The following COL22A1 variants were observed in gnomAD, a reference collection of about 807,000 sequenced individuals.
The protein encoded by COL22A1 is collagen alpha-1(XXII) chain.
In COL22A1, 221 loss-of-function variants were observed where a neutral mutation model predicts 248.9. That is an observed-to-expected ratio of 0.89 (90% confidence interval 0.80 to 0.99). The LOEUF is 0.99. Among genes scored for constraint, COL22A1 ranks in the 50% least tolerant of loss-of-function variants. The probability of loss-of-function intolerance (pLI) is 0.00; values close to 1 mark genes in which losing one functional copy is unlikely to be tolerated. For synonymous variants in COL22A1, 891 were observed against 793.4 expected (o/e 1.12, Z -2.07); for missense variants, 2,240 against 2,179.0 (o/e 1.03, Z -0.56).
At chr8:138,879,706 A>G (rs895028945) in intron 2 of COL22A1, among the ~76,000 whole-genome samples, 7 of 147,658 alleles carry the variant, frequency 4.7e-5, no homozygotes, top group African/African-American at 1.7e-4. Flanking sequence ...AAAAAAAAAA[A>G]AAAAAAAAGA....
rs772414298 is a variant in COL22A1, at chr8:138,722,069, C to T, written c.2268G>A (p.Gly756=). Residue 756 remains glycine, a synonymous_variant, in exon 26 of 65, where the codon GGG becomes GGA. Transcript: ENST00000303045. ...PGPTGPPGKD[G]PNGPPGPPGT... is the part of the protein sequence containing the mutation. The stretch of plus-strand genomic sequence containing the variant: ...CTGGCGGACCTGGTGGTCCATTTGG[C>T]CCGTCCTTTCCAGGGGGTCCCTGGG... The T allele has an allele frequency of 6.3e-7, 1 of 1,583,042 alleles. No homozygotes were observed. The highest frequency in any genetic ancestry group is 1.2e-5 in the South Asian group (1 of 86,446).
intron 45 of COL22A1, among the ~76,000 whole-genome samples, chr8:138,652,823 T>C (rs945567966): frequency 1.5e-5 from 2 of 137,018 alleles, no homozygotes; most frequent in Non-Finnish European, 3.1e-5. Context: ...CTAGGCTCAC[T>C]GCAGCCTCCG....
At chr8:138,709,538 C>T (rs1828770853) in intron 30 of COL22A1, among the ~76,000 whole-genome samples, 2 of 149,926 alleles carry the variant, frequency 1.3e-5, no homozygotes, top group South Asian at 4.2e-4. Flanking sequence ...ATCGCAAGGA[C>T]AGAAAACCAA....
intron 5 of COL22A1, among the ~76,000 whole-genome samples, chr8:138,830,255 A>T (rs1039897849): frequency 4.6e-5 from 7 of 152,228 alleles, no homozygotes; most frequent in African/African-American, 1.7e-4. Flanking sequence ...TGTACCAGCT[A>T]AGTGAAAAGT....
intron 1 of COL22A1, among the ~76,000 whole-genome samples, chr8:138,889,283 A>T (rs1824881667): frequency 6.6e-6 from 1 of 152,200 alleles, no homozygotes; most frequent in Admixed American, 6.5e-5. Flanking sequence ...AACTGGCACT[A>T]TTCACAATAC....
chr8:138,650,284 G>A (rs1822586444), intron 45 of COL22A1, among the ~76,000 whole-genome samples: 1 of 152,104 alleles, frequency 6.6e-6, no homozygotes, highest in Non-Finnish European at 1.5e-5. Flanking sequence ...CACACCCTTG[G>A]GACTTTGTTT....
chr8:138,753,711 G>T (rs1832781610), intron 21 of COL22A1, among the ~76,000 whole-genome samples: 1 of 152,112 alleles, frequency 6.6e-6, no homozygotes, highest in South Asian at 2.1e-4. Flanking sequence ...TTAGTATTTT[G>T]CTTGATATAA....
intron 3 of COL22A1, among the ~76,000 whole-genome samples, chr8:138,860,924 C>G (rs777421789): frequency 1.3e-5 from 2 of 152,172 alleles, no homozygotes; most frequent in Non-Finnish European, 2.9e-5. Context: ...GTTTTCCATC[C>G]GTATGTTCTT....
At chr8:138,865,719 A>G (rs111206277) in intron 3 of COL22A1, among the ~76,000 whole-genome samples, 19,471 of 121,464 alleles carry the variant, frequency 0.16, 1,642 homozygotes, top group African/African-American at 0.33. Context: ...GTATGAGTGT[A>G]TGTGTGTGTG....
At chr8:138,611,672 C>T (rs914629984) in intron 56 of COL22A1, among the ~76,000 whole-genome samples, 2 of 152,218 alleles carry the variant, frequency 1.3e-5, no homozygotes, top group African/African-American at 4.8e-5. Flanking sequence ...AGTGTTTTCC[C>T]CGTGGGGTTG....
At chr8:138,888,907 A>AAAG (rs1204484013) in intron 1 of COL22A1, among the ~76,000 whole-genome samples, 5 of 152,202 alleles carry the variant, frequency 3.3e-5, no homozygotes, top group Non-Finnish European at 4.4e-5. Context: ...TTGATGAATG[A>AAAG]ATGATGAACG....
intron 39 of COL22A1, among the ~76,000 whole-genome samples, chr8:138,680,228 G>A (rs555700654): frequency 1.3e-5 from 2 of 152,342 alleles, no homozygotes; most frequent in East Asian, 1.9e-4. Flanking sequence ...GGAAGGAAGT[G>A]TGGGGGTTGT....
rs112075430 is a variant in COL22A1, at chr8:138,724,555, T to TCC, written c.2247+58_2247+59dup. On this transcript the variant is annotated intron_variant, in intron 25 of 64. Transcript: ENST00000303045. ...TGGGCCAGCTGCAAGGGCTCAGTGC[T>TCC]CCCCCCAGAGCAATGGGGAGAGGGA... 6 of 1,522,836 alleles carry TCC rather than the reference T, an allele frequency of 3.9e-6. No individual in the cohort carries two copies. In the African/African-American group the frequency reaches 5.5e-5, roughly 14 times the overall value. 94.3% of individuals were successfully genotyped at this position (1,522,836 alleles called of 1,614,324 possible).
chr8:138,637,551 C>T (rs1821302469), intron 47 of COL22A1, among the ~76,000 whole-genome samples: 1 of 152,110 alleles, frequency 6.6e-6, no homozygotes, highest in Non-Finnish European at 1.5e-5. Context: ...GCATAGAGCC[C>T]AGAACACAGT....
At chr8:138,593,863 A>C (rs1817292435) in intron 63 of COL22A1, among the ~76,000 whole-genome samples, 154 bp downstream of exon 63, 1 of 152,250 alleles carries the variant, frequency 6.6e-6, no homozygotes, top group Non-Finnish European at 1.5e-5. Context: ...TCTTATGCAT[A>C]TGATAAAATT....
intron 35 of COL22A1, 31 bp downstream of exon 35, chr8:138,693,615 C>T: frequency 6.4e-7 from 1 of 1,565,076 alleles, no homozygotes; most frequent in Non-Finnish European, 8.7e-7. Context: ...CCGGGGCTCC[C>T]CCACGAGGCA....
intron 16 of COL22A1, among the ~76,000 whole-genome samples, 178 bp from the exon 17 acceptor site, chr8:138,762,644 G>A (rs1833585687): frequency 6.6e-6 from 1 of 151,966 alleles, no homozygotes; most frequent in Non-Finnish European, 1.5e-5. Context: ...TGGAGGACAA[G>A]GAACATAGGT....
At chr8:138,746,241 T>A (rs971811852) in intron 22 of COL22A1, among the ~76,000 whole-genome samples, 23 of 152,184 alleles carry the variant, frequency 1.5e-4, no homozygotes, top group Non-Finnish European at 8.8e-5. Context: ...CATGCCCAGG[T>A]TCCAGCCTGC....
At chr8:138,866,622 A>G (rs1172577697) in intron 3 of COL22A1, among the ~76,000 whole-genome samples, 2 of 152,204 alleles carry the variant, frequency 1.3e-5, no homozygotes, top group Non-Finnish European at 2.9e-5. Context: ...CATCACACCT[A>G]TATGCTGCAG....
Sources: allele counts gnomAD v4.1 joint callset (sites outside exome capture counted in the v4.1 genomes callset), GRCh38; gene constraint gnomAD v4.1.1; transcripts MANE v1.5; gene names NCBI Gene and HGNC (gene_info 2026-07-23, HGNC 2026-07-21).